Variants in GPBP1L1 observed in about 807,000 individuals in gnomAD.
GPBP1L1 encodes the protein vasculin-like protein 1.
Under a neutral mutation model 52.5 loss-of-function variants are expected in GPBP1L1, and 23 were observed. The ratio of observed to expected loss-of-function variants is 0.44; its 90% CI spans 0.32 to 0.62. GPBP1L1 has a LOEUF of 0.62. GPBP1L1 is among the 20% of genes least tolerant of loss of function. GPBP1L1 has a pLI of 0.06. For missense variants in GPBP1L1, 596 were observed against 579.3 expected, an observed-to-expected ratio of 1.03 and a Z score of -0.30; for synonymous variants, 243 against 203.1, an observed-to-expected ratio of 1.20 and a Z score of -1.67.
At chr1:45,674,647 C>G (rs1040822275) in intron 2 of GPBP1L1, among the ~76,000 whole-genome samples, 2 of 152,228 alleles carry the variant, frequency 1.3e-5, no homozygotes, top group African/African-American at 4.8e-5. Flanking sequence ...TCGTGTGATG[C>G]TGGGCAGTGC....
chr1:45,633,541 T>A lies in GPBP1L1; in HGVS notation c.992A>T (p.Asp331Val), dbSNP rs2148422859. The part of the protein sequence containing the change: ...RKSEFLKTLK[D>V]DRNGDFSENR... Reference sequence around the variant, plus strand: ...CTCTGAGAAGTCTCCATTCCGGTCATCCTTCAGAGTTTTCAGGAACTCACT... The same window carrying A: ...CTCTGAGAAGTCTCCATTCCGGTCAACCTTCAGAGTTTTCAGGAACTCACT... The change falls in exon 10 of 13, where the codon GAT becomes GTT. Residue 331 changes from aspartate to valine, a missense_variant. Physicochemically the swap from Asp to Val is radical, Grantham distance 152 (BLOSUM62 -3). Transcript: ENST00000355105. 6.2e-7 allele frequency: 1 copy of A among 1,614,002 alleles called. No individual in the cohort carries two copies. Among genetic ancestry groups the A allele is most frequent in the East Asian group, 2.2e-5 (1 of 44,870 alleles).
intron 6 of GPBP1L1, among the ~76,000 whole-genome samples, chr1:45,652,963 A>C (rs1010799660): frequency 1.3e-5 from 2 of 152,196 alleles, no homozygotes; most frequent in African/African-American, 4.8e-5. Context: ...TAAAGATTAC[A>C]TTTGAAATTG....
At chr1:45,637,533 C>CTTTTTTTTTTTTTTTTTTTTT (rs1557696848) in intron 8 of GPBP1L1, among the ~76,000 whole-genome samples, 1 of 151,934 alleles carries the variant, frequency 6.6e-6, no homozygotes, top group Non-Finnish European at 1.5e-5. Context: ...GAGCAGCAGC[C>CTTTTTTTTTTTTTTTTTTTTT]TTTATATTAG....
chr1:45,630,652 G>A (rs370414605), intron 10 of GPBP1L1, 46 bp from the exon 11 acceptor site: 44 of 1,601,754 alleles, frequency 2.7e-5, no homozygotes, highest in Non-Finnish European at 3.4e-5. Context: ...AGGTTCCTTT[G>A]TAGTAATATA....
At position 45,642,451 on chromosome 1, in the gene GPBP1L1, T is replaced by A. The variant is rs748550825; in HGVS notation, c.526A>T (p.Ile176Phe). ...AGKQHQPCRP[I>F]GTPSGVWENP... ...CCCCATACTCCAGAAGGTGTCCCAATAGGTCTGCATGGCTGATGCTGTTTG... is the reference window on the plus strand; with the variant it reads ...CCCCATACTCCAGAAGGTGTCCCAAAAGGTCTGCATGGCTGATGCTGTTTG... Residue 176 changes from isoleucine (I) to phenylalanine (F), a missense_variant, in exon 7 of 13, where the codon ATT becomes TTT. Coordinates refer to ENST00000355105, the MANE Select transcript of GPBP1L1 (RefSeq NM_021639.5). 2.5e-6 allele frequency: 4 copies of A among 1,614,036 alleles called. No homozygotes were observed. Among genetic ancestry groups the A allele is most frequent in the Non-Finnish European group, 1.7e-6 (2 of 1,179,922 alleles).
At chr1:45,653,691 ATCT>A (rs1217378032) in intron 6 of GPBP1L1, among the ~76,000 whole-genome samples, 1 of 146,062 alleles carries the variant, frequency 6.8e-6, no homozygotes, top group Non-Finnish European at 1.5e-5. Context: ...TAAAATGATA[ATCT>A]TTTTTTTCTT....
chr1:45,668,213 A>G (rs868868618), intron 2 of GPBP1L1, among the ~76,000 whole-genome samples: 1 of 152,200 alleles, frequency 6.6e-6, no homozygotes, highest in Non-Finnish European at 1.5e-5. Flanking sequence ...ATAGGCATAA[A>G]TAAGTTTGCA....
intron 3 of GPBP1L1, 73 bp from the exon 4 acceptor site, chr1:45,659,215 A>T: frequency 2.4e-6 from 2 of 845,700 alleles, no homozygotes; most frequent in South Asian, 3.3e-5. Flanking sequence ...ATCTGTAATT[A>T]TTCTAAGATT....
At chr1:45,659,738 G>A (rs890374603) in intron 3 of GPBP1L1, among the ~76,000 whole-genome samples, 2 of 152,094 alleles carry the variant, frequency 1.3e-5, no homozygotes, top group East Asian at 1.9e-4. Flanking sequence ...CCAGCAGTTC[G>A]AGACCAGTCT....
At chr1:45,655,836 C>G (rs1439804902) in intron 4 of GPBP1L1, 3 of 154,168 alleles carry the variant, frequency 1.9e-5, no homozygotes, top group Non-Finnish European at 4.3e-5. Context: ...GTGGCACAAT[C>G]AAAGCTCACT....
chr1:45,659,586 G>A (rs1644923721), intron 3 of GPBP1L1, among the ~76,000 whole-genome samples: 3 of 152,176 alleles, frequency 2.0e-5, no homozygotes, highest in African/African-American at 7.2e-5. Context: ...TAAAACCACA[G>A]ACACTTATGA....
rs1266393627 is a variant in GPBP1L1 at position 45,654,549 on chromosome 1, C to G, written c.471G>C (p.Glu157Asp). The G allele has an allele frequency of 1.2e-6, 2 of 1,608,726 alleles. No individual in the cohort carries two copies. The highest frequency in any genetic ancestry group is 4.5e-5 in the East Asian group (2 of 44,768). The change falls in exon 6 of 13, where the codon GAG becomes GAC. Residue 157 changes from glutamate to aspartate, a missense_variant. Transcript: ENST00000355105. ...TCTAAAGATTCATACTTACAAAGTCCTCCTCTTCAAACTGCAACTTTTCCA... is the reference window on the plus strand; with the variant it reads ...TCTAAAGATTCATACTTACAAAGTCGTCCTCTTCAAACTGCAACTTTTCCA... ...DKVEKLQFEE[E>D]DFPSLNPEAG... is the part of the protein sequence containing the mutation.
rs767974959 is a variant in GPBP1L1 at position 45,654,534 on chromosome 1, C to T, written c.477+9G>A. 1.2e-6 allele frequency: 2 copies of T among 1,600,296 alleles called. No homozygotes were observed. Among genetic ancestry groups the T allele is most frequent in the Non-Finnish European group, 1.7e-6 (2 of 1,170,634 alleles). ...GCTTCTAACCACACATCTAAAGATT[C>T]ATACTTACAAAGTCCTCCTCTTCAA... On this transcript the variant is annotated intron_variant, in intron 6 of 12. Transcript: ENST00000355105.
At chr1:45,669,920 T>C (rs1450017942) in intron 2 of GPBP1L1, among the ~76,000 whole-genome samples, 1 of 152,260 alleles carries the variant, frequency 6.6e-6, no homozygotes, top group Non-Finnish European at 1.5e-5. Context: ...CCTGTATCAC[T>C]AGTTATCAAT....
In GPBP1L1 at chr1:45,627,953, T is replaced by A. The variant is rs547877689; in HGVS notation, c.*303A>T. 2.0e-5 allele frequency: 5 copies of A among 248,860 alleles called. No homozygotes were observed. In the South Asian group the frequency reaches 4.0e-4, roughly 20 times the overall value. The allele number at this position is 248,860 out of a possible 1,614,324, so 15.4% of individuals were successfully genotyped here. A position where few individuals can be genotyped will look rare whatever the true frequency, so the allele number is the denominator to read the frequency against. ...GTTGCTGCAGACCAGTGTCTCCTCT[T>A]CCCTGCACTGCCAGCTCCTACCTGT... On this transcript the variant is annotated 3_prime_UTR_variant, in exon 13 of 13. Transcript: ENST00000355105.
chr1:45,659,938 C>A (rs1644929103), intron 3 of GPBP1L1, among the ~76,000 whole-genome samples: 1 of 152,108 alleles, frequency 6.6e-6, no homozygotes, highest in Non-Finnish European at 1.5e-5. Flanking sequence ...GAGACCCTGC[C>A]TCAAGATGGG....
At chr1:45,638,546 CTCCTCTTCTA>C (rs1322994512) in intron 8 of GPBP1L1, among the ~76,000 whole-genome samples, 1 of 152,190 alleles carries the variant, frequency 6.6e-6, no homozygotes, top group Non-Finnish European at 1.5e-5. Context: ...CCATTCTTTA[CTCCTCTTCTA>C]TCCTCTTCTC....
rs771513586 is a variant in GPBP1L1 at position 45,634,176 on chromosome 1, C to G, written c.805G>C (p.Glu269Gln). ...HKSGSLSSSR[E>Q]SAFTSPISVT... ...GAGATTGGACTGGTAAAAGCAGACT[C>G]CCGGCTAGAGGAAAGGGATCCTGAC... is the stretch of plus-strand genomic sequence containing the variant. Residue 269 changes from glutamate to glutamine, a missense_variant, in exon 9 of 13, where the codon GAG (glutamate) becomes CAG (glutamine). Physicochemically the swap from Glu to Gln is conservative, Grantham distance 29. Coordinates refer to ENST00000355105, the MANE Select transcript of GPBP1L1 (RefSeq NM_021639.5). 1 of 1,613,724 alleles carries G rather than the reference C, an allele frequency of 6.2e-7. No individual in the cohort carries two copies. The highest frequency in any genetic ancestry group is 1.3e-5 in the African/African-American group (1 of 74,910).
At chr1:45,663,050 C>CAAAAAA (rs66502921) in intron 2 of GPBP1L1, among the ~76,000 whole-genome samples, 1 of 117,236 alleles carries the variant, frequency 8.5e-6, no homozygotes, top group Admixed American at 9.3e-5. Flanking sequence ...GACTCTGTCT[C>CAAAAAA]AAAAAAAAAA....
Sources: allele counts gnomAD v4.1 joint callset (sites outside exome capture counted in the v4.1 genomes callset), GRCh38; gene constraint gnomAD v4.1.1; transcripts MANE v1.5; gene names NCBI Gene and HGNC (gene_info 2026-07-23, HGNC 2026-07-21).